Variants in FKTN observed in about 807,000 individuals in gnomAD.
FKTN encodes fukutin.
FKTN carries 47 observed loss-of-function variants against 58.6 expected under a neutral mutation model. The observed-to-expected ratio is 0.80, with a 90% confidence interval of 0.63 to 1.02. FKTN has a LOEUF of 1.02. FKTN is among the 50% of genes least tolerant of loss of function. The pLI, the probability that FKTN is intolerant of heterozygous loss-of-function variation, is 0.00. For synonymous variants in FKTN, 178 were observed against 191.9 expected (o/e 0.93, Z 0.60); for missense variants, 516 against 537.3 (o/e 0.96, Z 0.39).
chr9:105,604,886 G>T (rs571883412), intron 6 of FKTN, among the ~76,000 whole-genome samples: 59 of 151,704 alleles, frequency 3.9e-4, no homozygotes, highest in Non-Finnish European at 7.5e-4. Context: ...AGCCCTGGAG[G>T]TGGAGGTTGT....
rs565337055 is a variant in FKTN, at chr9:105,562,455, G to T, written c.-181+4290G>T. Among the ~76,000 whole-genome samples the T allele has an allele frequency of 5.9e-5, 9 of 152,298 alleles. 1 individual carries two copies. The South Asian group carries it at 1.9e-3, about 32-fold the overall frequency. ...CCTCTAGGTAGTGTCAGTTGGTCCA[G>T]AATGCAAAGGTCTGAAAAATATCTC... On this transcript the variant is annotated intron_variant, in intron 1 of 10. Coordinates refer to ENST00000357998, the MANE Select transcript of FKTN (RefSeq NM_001079802.2).
At chr9:105,581,121 C>T (rs1429046889) in intron 3 of FKTN, among the ~76,000 whole-genome samples, 11 of 149,296 alleles carry the variant, frequency 7.4e-5, no homozygotes, top group South Asian at 4.2e-4. Context: ...AATGTCCTCC[C>T]GTAGCTCAGA....
chr9:105,618,240 C>T lies in FKTN; in HGVS notation c.1044+148C>T. The stretch of plus-strand genomic sequence containing the variant: ...GATGAGTTCAGCAGAAGCCTGTTAC[C>T]ACTTGTAATTTCTGCACTGTCTAGG... On this transcript the variant is annotated intron_variant, in intron 9 of 10. Coordinates refer to ENST00000357998, the MANE Select transcript of FKTN (RefSeq NM_001079802.2). The T allele has an allele frequency of 3.9e-6, 3 of 762,664 alleles. No homozygotes were observed. In the South Asian group the frequency reaches 4.5e-5, roughly 12 times the overall value. 47.2% of individuals were successfully genotyped at this position (762,664 alleles called of 1,614,324 possible).
chr9:105,583,743 G>A (rs1843426100), intron 3 of FKTN, among the ~76,000 whole-genome samples: 1 of 151,894 alleles, frequency 6.6e-6, no homozygotes, highest in African/African-American at 2.4e-5. Context: ...TTTCCTTAGG[G>A]CATCTGTTTT....
chr9:105,569,043 A>G (rs1006424369), intron 1 of FKTN, among the ~76,000 whole-genome samples: 40 of 152,228 alleles, frequency 2.6e-4, no homozygotes, highest in Non-Finnish European at 5.9e-5. Flanking sequence ...TCAAGGACAG[A>G]AAACCAAACA....
chr9:105,571,993 C>T (rs1840813461), intron 1 of FKTN, among the ~76,000 whole-genome samples: 1 of 151,978 alleles, frequency 6.6e-6, no homozygotes, highest in Non-Finnish European at 1.5e-5. Flanking sequence ...ACTTTTGGTC[C>T]CAAGCATTTT....
At chr9:105,628,035 A>G (rs1345506018) in intron 10 of FKTN, among the ~76,000 whole-genome samples, 6 of 152,218 alleles carry the variant, frequency 3.9e-5, no homozygotes, top group African/African-American at 1.2e-4. Context: ...CAAGAAGTTA[A>G]AAGACTAGAG....
rs371697266 is a variant in FKTN at position 105,601,218 on chromosome 9, T to C, written c.239T>C (p.Leu80Pro). Residue 80 changes from leucine to proline, a missense_variant, in exon 5 of 11, where the codon CTG (leucine) becomes CCG (proline). Leu to Pro is a moderately conservative substitution (Grantham distance 98, BLOSUM62 -3). Transcript: ENST00000357998. ...VPVFLIDPLI[L>P]ELINKNFEQV... ...GTGTTTCTTATTGATCCTTTGATAC[T>C]GGAATTGATTAATAAGAACTTTGAA... is the stretch of plus-strand genomic sequence containing the variant. 4.4e-6 allele frequency: 7 copies of C among 1,609,132 alleles called. No individual in the cohort carries two copies. The highest frequency in any genetic ancestry group is 6.0e-6 in the Non-Finnish European group (7 of 1,175,756).
chr9:105,637,860 G>A lies in FKTN; in HGVS notation c.*2596G>A, dbSNP rs1165515525. On this transcript the variant is annotated 3_prime_UTR_variant, in exon 11 of 11. Coordinates refer to ENST00000357998, the MANE Select transcript of FKTN (RefSeq NM_001079802.2). ...CCTCTGCTGCAGCTACTGATATCTG[G>A]CCCCTGGAATAAAACCATAGTTCCT... The A allele has an allele frequency of 1.0e-5, 10 of 985,150 alleles. No individual in the cohort carries two copies. The highest frequency in any genetic ancestry group is 6.2e-5 in the Admixed American group (1 of 16,242). The allele number at this position is 985,150 out of a possible 1,614,324, so 61.0% of individuals were successfully genotyped here.
chr9:105,574,924 A>T, intron 2 of FKTN, 21 bp from the exon 3 acceptor site: 1 of 724,888 alleles, frequency 1.4e-6, no homozygotes, highest in South Asian at 1.5e-5. Flanking sequence ...GTTTCTTTAA[A>T]AATATCTTTT....
intron 10 of FKTN, 48 bp from the exon 11 acceptor site, chr9:105,635,003 C>A: frequency 6.7e-7 from 1 of 1,500,156 alleles, no homozygotes; most frequent in Non-Finnish European, 9.3e-7. Context: ...GATTCCTTAG[C>A]TAGACCTTCT....
intron 3 of FKTN, among the ~76,000 whole-genome samples, chr9:105,578,754 C>G (rs1401894154): frequency 1.5e-4 from 23 of 151,748 alleles, no homozygotes; most frequent in African/African-American, 5.1e-4. Flanking sequence ...GGTACCAGCT[C>G]CTCCTTGTAC....
intron 7 of FKTN, among the ~76,000 whole-genome samples, chr9:105,614,273 G>A (rs1040227177): frequency 6.6e-6 from 1 of 152,122 alleles, no homozygotes; most frequent in African/African-American, 2.4e-5. Flanking sequence ...CTGACAATTT[G>A]CAAGACATTT....
chr9:105,613,502 AG>A (rs1268203304), intron 7 of FKTN, among the ~76,000 whole-genome samples: 1 of 152,244 alleles, frequency 6.6e-6, no homozygotes, highest in East Asian at 1.9e-4. Flanking sequence ...AAAGAATTAC[AG>A]GATATTTTAG....
At chr9:105,604,967 A>AC (rs1263626286) in intron 6 of FKTN, among the ~76,000 whole-genome samples, 1 of 151,952 alleles carries the variant, frequency 6.6e-6, no homozygotes, top group Admixed American at 6.6e-5. Flanking sequence ...AAAAAAAAAA[A>AC]AAAACTGTAA....
chr9:105,604,481 A>G lies in FKTN; in HGVS notation c.636A>G (p.Gly212=). Residue 212 remains glycine, a synonymous_variant, in exon 6 of 11, where the codon GGA becomes GGG. Transcript: ENST00000357998. The part of the protein sequence containing the change: ...FRKLQFGRYP[G]AFDRPELQQV... ...AGTTACAGTTTGGTCGTTATCCAGG[A>G]GCTTTTGACAGGTAAGTTCAGAGTC... is the stretch of plus-strand genomic sequence containing the variant. 1 of 1,613,960 alleles carries G rather than the reference A, an allele frequency of 6.2e-7. No homozygotes were observed. Among genetic ancestry groups the G allele is most frequent in the Non-Finnish European group, 8.5e-7 (1 of 1,179,828 alleles).
intron 1 of FKTN, among the ~76,000 whole-genome samples, chr9:105,573,213 T>G (rs1841071386): frequency 6.7e-6 from 1 of 149,896 alleles, no homozygotes; most frequent in Non-Finnish European, 1.5e-5. Flanking sequence ...CCATCCAGCC[T>G]GAGTGACAGA....
intron 4 of FKTN, among the ~76,000 whole-genome samples, chr9:105,599,919 C>T (rs1827563732): frequency 3.3e-5 from 5 of 151,438 alleles, no homozygotes. Flanking sequence ...CACCAGTGAA[C>T]TGTCTAAGTC....
intron 8 of FKTN, among the ~76,000 whole-genome samples, 163 bp from the exon 9 acceptor site, chr9:105,617,796 A>G (rs1831089550): frequency 6.6e-6 from 1 of 152,132 alleles, no homozygotes; most frequent in South Asian, 2.1e-4. Flanking sequence ...CCAAGGCAGG[A>G]GGATCACTTG....
Sources: allele counts gnomAD v4.1 joint callset (sites outside exome capture counted in the v4.1 genomes callset), GRCh38; gene constraint gnomAD v4.1.1; transcripts MANE v1.5; gene names NCBI Gene and HGNC (gene_info 2026-07-23, HGNC 2026-07-21).